OSBP2: variants seen among roughly 807,000 people sequenced by gnomAD.
OSBP2 encodes oxysterol binding protein 2.
Under a neutral mutation model 96.0 loss-of-function variants are expected in OSBP2, and 66 were observed. The observed-to-expected ratio is 0.69, with a 90% CI of 0.56 to 0.84. The LOEUF is 0.84. Among genes scored for constraint, OSBP2 ranks in the 40% least tolerant of loss-of-function variants. OSBP2 has a pLI of 0.00. For synonymous variants in OSBP2, 525 were observed against 520.9 expected (o/e 1.01, Z -0.11); for missense variants, 1,038 against 1,222.7 (o/e 0.85, Z 2.25).
In OSBP2 at chr22:30,907,384, T is replaced by C. The variant is rs1481288693; in HGVS notation, c.*1045T>C. 2 of 148,102 alleles carry C rather than the reference T, an allele frequency of 1.4e-5. No individual in the cohort carries two copies. The highest frequency in any genetic ancestry group is 5.3e-5 in the African/African-American group (2 of 37,982). 9.2% of individuals were successfully genotyped at this position (148,102 alleles called of 1,614,324 possible). ...CTATTTTGCTTAAATTTCTACAGTA[T>C]GTAAAAGTGAAAAAATGATGAAGAC... On this transcript the variant is annotated 3_prime_UTR_variant, in exon 14 of 14. Coordinates refer to ENST00000332585, the MANE Select transcript of OSBP2 (RefSeq NM_030758.4).
chr22:30,904,699 A>G (rs1201986157), intron 12 of OSBP2, among the ~76,000 whole-genome samples: 1 of 152,228 alleles, frequency 6.6e-6, no homozygotes, highest in Non-Finnish European at 1.5e-5. Context: ...CCTTGCACTC[A>G]ACAACTGTTC....
At chr22:30,867,919 T>C (rs867201601) in intron 2 of OSBP2, among the ~76,000 whole-genome samples, 19 of 152,236 alleles carry the variant, frequency 1.2e-4, no homozygotes, top group African/African-American at 4.6e-4. Flanking sequence ...GCCATTCTGA[T>C]GGACAGGGGG....
At chr22:30,823,208 C>T (rs908239346) in intron 2 of OSBP2, among the ~76,000 whole-genome samples, 2 of 152,192 alleles carry the variant, frequency 1.3e-5, no homozygotes, top group African/African-American at 4.8e-5. Context: ...CCCTCCCCGT[C>T]CCGTGGTGAT....
chr22:30,697,520 G>A (rs921035624), intron 1 of OSBP2, among the ~76,000 whole-genome samples: 1 of 152,154 alleles, frequency 6.6e-6, no homozygotes, highest in Admixed American at 6.5e-5. Flanking sequence ...CTCATGATCT[G>A]CCCGTCTCAG....
At chr22:30,797,538 TC>T (rs1246677076) in intron 2 of OSBP2, among the ~76,000 whole-genome samples, 35 of 151,940 alleles carry the variant, frequency 2.3e-4, no homozygotes, top group African/African-American at 8.5e-4. Flanking sequence ...CACCTCGGCC[TC>T]CCAAAGTGCT....
In OSBP2 at chr22:30,765,312, C is replaced by T. The variant is rs185233329; in HGVS notation, c.853+23943C>T. 2.6e-3 allele frequency among the ~76,000 whole-genome samples: 393 copies of T among 152,234 alleles called. 4 individuals are homozygous for T. Among genetic ancestry groups the T allele is most frequent in the African/African-American group, 8.8e-3 (366 of 41,538 alleles). On this transcript the variant is annotated intron_variant, in intron 2 of 13. Transcript: ENST00000332585. Reference sequence around the variant, plus strand: ...GCAACCTCCACCTCCCGGGTTCAGACGATTCTCCTGCCTCAGCCTCCCCAG... The same window carrying T: ...GCAACCTCCACCTCCCGGGTTCAGATGATTCTCCTGCCTCAGCCTCCCCAG...
chr22:30,780,214 C>T (rs1032203386), intron 2 of OSBP2, among the ~76,000 whole-genome samples: 1 of 152,224 alleles, frequency 6.6e-6, no homozygotes, highest in Admixed American at 6.5e-5. Flanking sequence ...GTACCATTTC[C>T]TGCACCCCAG....
At chr22:30,874,257 C>T (rs754538774) in intron 3 of OSBP2, among the ~76,000 whole-genome samples, 34 of 150,740 alleles carry the variant, frequency 2.3e-4, no homozygotes, top group Non-Finnish European at 3.5e-4. Context: ...AACAAACAAA[C>T]AAAACTTAGC....
At chr22:30,819,670 G>A (rs1242921954) in intron 2 of OSBP2, among the ~76,000 whole-genome samples, 1 of 152,118 alleles carries the variant, frequency 6.6e-6, no homozygotes, top group Non-Finnish European at 1.5e-5. Flanking sequence ...ACATAGAAAA[G>A]AGAAATAGTG....
intron 2 of OSBP2, among the ~76,000 whole-genome samples, chr22:30,868,311 G>A (rs1276862942): frequency 6.6e-6 from 1 of 152,226 alleles, no homozygotes; most frequent in Non-Finnish European, 1.5e-5. Flanking sequence ...GCATTTTCTT[G>A]CCTGCAGGGA....
chr22:30,882,158 T>C (rs2039716511), intron 3 of OSBP2, among the ~76,000 whole-genome samples: 1 of 152,126 alleles, frequency 6.6e-6, no homozygotes, highest in Non-Finnish European at 1.5e-5. Context: ...CAGCTGGGGC[T>C]AAGGGTGCTG....
intron 2 of OSBP2, among the ~76,000 whole-genome samples, chr22:30,760,700 C>T (rs1286093623): frequency 6.6e-6 from 1 of 152,002 alleles, no homozygotes; most frequent in African/African-American, 2.4e-5. Context: ...CCTGTAGTCT[C>T]AGCTACTTAG....
chr22:30,768,920 C>G (rs765953075), intron 2 of OSBP2, among the ~76,000 whole-genome samples: 1 of 152,232 alleles, frequency 6.6e-6, no homozygotes, highest in Non-Finnish European at 1.5e-5. Flanking sequence ...AGGCTGTCAA[C>G]TCAGGATGTC....
rs1185490598 is a variant in OSBP2 at position 30,881,415 on chromosome 22, C to T, written c.1108-6011C>T. Among the ~76,000 whole-genome samples, 2 of 152,182 alleles carry T rather than the reference C, an allele frequency of 1.3e-5. No individual in the cohort carries two copies. The highest frequency in any genetic ancestry group is 2.4e-5 in the African/African-American group (1 of 41,436). On this transcript the variant is annotated intron_variant, in intron 3 of 13. Transcript: ENST00000332585. The surrounding 1 kb of genome is among the most constrained non-coding windows in gnomAD (Gnocchi z 4.5). The stretch of plus-strand genomic sequence containing the variant: ...CTCCAGCTCCCACTAGGACCCCTCA[C>T]TCTCTTCCCCTTAAACAATTCAGGA...
At chr22:30,822,679 A>G in intron 2 of OSBP2, 1 of 1,533,870 alleles carries the variant, frequency 6.5e-7, no homozygotes, top group Non-Finnish European at 8.7e-7. Context: ...CTCCTTCTGC[A>G]GCTCCGGCTG....
rs146901707 is a variant in OSBP2, at chr22:30,807,243, A to C, written c.854-63186A>C. On this transcript the variant is annotated intron_variant, in intron 2 of 13. Coordinates refer to ENST00000332585, the MANE Select transcript of OSBP2 (RefSeq NM_030758.4). The stretch of plus-strand genomic sequence containing the variant: ...TCCAGCCCCTGCCCCCGCGAGACTC[A>C]GCTCCTTCCTCTTCTTGCTGTCTGG... 6.7e-3 allele frequency among the ~76,000 whole-genome samples: 1,026 copies of C among 152,012 alleles called. 12 individuals carry two copies. Among genetic ancestry groups the C allele is most frequent in the African/African-American group, 0.022 (899 of 41,460 alleles).
At chr22:30,769,805 C>G in intron 2 of OSBP2, among the ~76,000 whole-genome samples, 1 of 152,100 alleles carries the variant, frequency 6.6e-6, no homozygotes, top group East Asian at 1.9e-4. Flanking sequence ...GTGTGATGGT[C>G]TCATGCATGT....
At chr22:30,844,318 T>C (rs2038822783) in intron 2 of OSBP2, among the ~76,000 whole-genome samples, 1 of 152,212 alleles carries the variant, frequency 6.6e-6, no homozygotes, top group Non-Finnish European at 1.5e-5. Flanking sequence ...CCTCTGTAGC[T>C]ATGAAAGCCC....
rs751604014 is a variant in OSBP2 at position 30,905,986 on chromosome 22, A to C, written c.2525A>C (p.Gln842Pro). 1 of 1,602,270 alleles carries C rather than the reference A, an allele frequency of 6.2e-7. No individual in the cohort carries two copies. The highest frequency in any genetic ancestry group is 1.3e-5 in the African/African-American group (1 of 74,774). Residue 842 changes from glutamine (Q) to proline (P), a missense_variant, in exon 13 of 14, where the codon CAG becomes CCG. By Grantham distance (76) the Gln-to-Pro change is moderately conservative. Coordinates refer to ENST00000332585, the MANE Select transcript of OSBP2 (RefSeq NM_030758.4). Reference protein sequence around the residue: ...GRWDEANTEKQRLEEKQRLSR... With the variant: ...GRWDEANTEKPRLEEKQRLSR... ...TGGGACGAGGCCAATACCGAGAAGC[A>C]GCGGCTGGAGGAGAAGCAGCGCCTG...
Sources: gnomAD v4.1 joint callset for allele counts (sites outside exome capture counted in the v4.1 genomes callset) on GRCh38, gnomAD v4.1.1 for gene constraint, Gnocchi (gnomAD v3.1) non-coding constraint, MANE v1.5 for transcripts, NCBI Gene and HGNC (gene_info 2026-07-23, HGNC 2026-07-21) for gene names.